Variants in ZBTB38 observed in about 807,000 individuals in gnomAD.
ZBTB38 encodes zinc finger and BTB domain containing 38, also known as zinc finger and BTB domain-containing protein 38.
A neutral mutation model predicts 76.8 loss-of-function variants in ZBTB38; 20 were observed. That is an observed-to-expected ratio of 0.26 (90% CI 0.18 to 0.38). ZBTB38 has a LOEUF of 0.38. Ranked by LOEUF, ZBTB38 falls within the 10% of genes least tolerant of loss-of-function variation. The probability of loss-of-function intolerance (pLI) is 1.00; values close to 1 mark genes in which losing one functional copy is unlikely to be tolerated. For synonymous variants in ZBTB38, 504 were observed against 544.2 expected, an observed-to-expected ratio of 0.93 and a Z score of 1.03; for missense variants, 1,082 against 1,482.3, an observed-to-expected ratio of 0.73 and a Z score of 4.43.
In ZBTB38 at chr3:141,415,885, A is replaced by G. The variant is rs114743822; in HGVS notation, c.-1+11854A>G. On this transcript the variant is annotated intron_variant, in intron 5 of 5. Transcript: ENST00000321464. ...TTCTGGCCTTGGAAACCCTGTTGCC[A>G]AGCAGGGAAGGTCCTATTTTAGGGG... Among the ~76,000 whole-genome samples, 613 of 152,318 alleles carry G rather than the reference A, an allele frequency of 4.0e-3. 8 individuals are homozygous for G. The highest frequency in any genetic ancestry group is 0.014 in the African/African-American group (585 of 41,562).
At chr3:141,433,050 A>G (rs1043550516) in intron 5 of ZBTB38, among the ~76,000 whole-genome samples, 1 of 152,210 alleles carries the variant, frequency 6.6e-6, no homozygotes, top group Admixed American at 6.5e-5. Flanking sequence ...CAAACTCAAG[A>G]AATAGTCATT....
intron 1 of ZBTB38, among the ~76,000 whole-genome samples, chr3:141,330,698 T>C (rs1942821538): frequency 6.6e-6 from 1 of 152,200 alleles, no homozygotes; most frequent in Non-Finnish European, 1.5e-5. Flanking sequence ...TATTGAGAGG[T>C]GAGGCCTTTA....
intron 2 of ZBTB38, among the ~76,000 whole-genome samples, chr3:141,372,028 CT>C (rs1559924545): frequency 6.6e-6 from 1 of 152,160 alleles, no homozygotes; most frequent in Non-Finnish European, 1.5e-5. Context: ...ACTTTTGCCC[CT>C]GGACTTGACC....
At chr3:141,387,856 C>G (rs906356594) in intron 4 of ZBTB38, 1 of 152,168 alleles carries the variant, frequency 6.6e-6, no homozygotes, top group African/African-American at 2.4e-5. Context: ...AGTGTCTTGT[C>G]ATGCTAGCAC....
At chr3:141,354,652 A>T (rs1027127892) in intron 1 of ZBTB38, among the ~76,000 whole-genome samples, 1 of 152,094 alleles carries the variant, frequency 6.6e-6, no homozygotes, top group African/African-American at 2.4e-5. Flanking sequence ...TCATCGGCAT[A>T]TCTCTCCAGG....
chr3:141,414,641 A>G (rs2073522546), intron 5 of ZBTB38, among the ~76,000 whole-genome samples: 1 of 152,210 alleles, frequency 6.6e-6, no homozygotes. Flanking sequence ...CAGGAAGAAC[A>G]TCAGAGGAAG....
upstream of ZBTB38, among the ~76,000 whole-genome samples, chr3:141,364,079 G>T (rs115017239): frequency 1.4e-5 from 2 of 145,712 alleles, no homozygotes; most frequent in African/African-American, 5.1e-5. Context: ...TATATATCTG[G>T]TAAGGGACTT....
At chr3:141,331,759 A>G (rs532837666) in intron 1 of ZBTB38, among the ~76,000 whole-genome samples, 1 of 151,952 alleles carries the variant, frequency 6.6e-6, no homozygotes, top group South Asian at 2.1e-4. Flanking sequence ...TTTGAGCAGA[A>G]GAGGAAAGAT....
chr3:141,346,782 T>TTGTGTGTGTGTGTG (rs56345431), intron 1 of ZBTB38, among the ~76,000 whole-genome samples: 2,611 of 144,640 alleles, frequency 0.018, 50 homozygotes, highest in African/African-American at 0.046. Context: ...TTGTTTTGTT[T>TTGTGTGTGTGTGTG]TGTGTGTGTG....
intron 1 of ZBTB38, among the ~76,000 whole-genome samples, chr3:141,341,210 T>G (rs1199356389): frequency 6.6e-6 from 1 of 152,246 alleles, no homozygotes; most frequent in African/African-American, 2.4e-5. Context: ...CTGGTGGGAC[T>G]GTAAAACAGT....
In ZBTB38 at chr3:141,442,739, G is replaced by A. The variant is rs368133881; in HGVS notation, c.351G>A (p.Ser117=). 2.4e-5 allele frequency: 39 copies of A among 1,614,040 alleles called. No homozygotes were observed. The African/African-American group carries it at 3.1e-4, about 13-fold the overall frequency. The change falls in exon 6 of 6, where the codon TCG becomes TCA. Residue 117 remains serine, a synonymous_variant. Coordinates refer to ENST00000321464, the MANE Select transcript of ZBTB38 (RefSeq NM_001376113.1). The surrounding 1 kb of genome is among the most constrained non-coding windows in gnomAD (Gnocchi z 6.4). The part of the protein sequence containing the change: ...LAAAGKKLGI[S]FLEDLTDRNF... ...CTGCAGGAAAAAAGCTGGGAATATC[G>A]TTCTTGGAAGACCTTACTGATCGCA... is the stretch of plus-strand genomic sequence containing the variant.
intron 4 of ZBTB38, among the ~76,000 whole-genome samples, chr3:141,394,672 G>C (rs867064482): frequency 4.0e-4 from 61 of 152,116 alleles, no homozygotes; most frequent in African/African-American, 1.4e-3. Context: ...CCTAGTCTGA[G>C]TGCCTGTGGA....
chr3:141,335,049 G>C (rs193068517), intron 1 of ZBTB38, among the ~76,000 whole-genome samples: 117 of 152,232 alleles, frequency 7.7e-4, no homozygotes, highest in African/African-American at 2.7e-3. Flanking sequence ...CTCTGCTGCC[G>C]ACACTACCGC....
intron 2 of ZBTB38, among the ~76,000 whole-genome samples, chr3:141,378,683 C>G (rs1011130783): frequency 6.6e-6 from 1 of 152,228 alleles, no homozygotes; most frequent in Non-Finnish European, 1.5e-5. Flanking sequence ...TTGCCGCCTT[C>G]TAACTTGTGG....
intron 1 of ZBTB38, among the ~76,000 whole-genome samples, chr3:141,338,897 TAAAC>T (rs988699456): frequency 1.3e-5 from 2 of 152,036 alleles, no homozygotes; most frequent in Admixed American, 6.5e-5. Flanking sequence ...ACAGAATAGG[TAAAC>T]AAACAATCTT....
At chr3:141,379,168 A>AGACTTGGCCCTGGAAAGACAGT (rs1318932074) in intron 2 of ZBTB38, among the ~76,000 whole-genome samples, 12 of 152,138 alleles carry the variant, frequency 7.9e-5, no homozygotes, top group Non-Finnish European at 1.8e-4. Context: ...CCTTTTTGCC[A>AGACTTGGCCCTGGAAAGACAGT]GACTTGGCCC....
chr3:141,333,193 C>G (rs1467379481), intron 1 of ZBTB38, among the ~76,000 whole-genome samples: 1 of 152,128 alleles, frequency 6.6e-6, no homozygotes, highest in South Asian at 2.1e-4. Context: ...TCCGGTAAAG[C>G]CTTGTTCGGA....
chr3:141,328,792 G>A (rs1453489769), intron 1 of ZBTB38, among the ~76,000 whole-genome samples: 1 of 152,122 alleles, frequency 6.6e-6, no homozygotes, highest in Non-Finnish European at 1.5e-5. Context: ...TTCCCCTCTT[G>A]TCATTCCCTC....
At chr3:141,406,755 A>G (rs573681508) in intron 5 of ZBTB38, among the ~76,000 whole-genome samples, 1 of 152,328 alleles carries the variant, frequency 6.6e-6, no homozygotes, top group East Asian at 1.9e-4. Context: ...AGGAAGAACC[A>G]TGGAGGAATG....
Sources: allele counts gnomAD v4.1 joint callset (sites outside exome capture counted in the v4.1 genomes callset), GRCh38; gene constraint gnomAD v4.1.1; non-coding constraint Gnocchi (gnomAD v3.1); transcripts MANE v1.5; gene names NCBI Gene and HGNC (gene_info 2026-07-23, HGNC 2026-07-21).